Variants in TNNI3K observed in about 807,000 individuals in gnomAD.
The protein encoded by TNNI3K is TNNI3 interacting kinase, also known as serine/threonine-protein kinase TNNI3K.
TNNI3K carries 140 observed loss-of-function variants against 114.5 expected under a neutral mutation model. The ratio of observed to expected loss-of-function variants is 1.22; its 90% CI spans 1.07 to 1.41. TNNI3K has a LOEUF of 1.41. TNNI3K is among the 40% of genes most tolerant of loss of function. The pLI is 0.00. For synonymous variants in TNNI3K, 347 were observed against 347.5 expected (o/e 1.00, Z 0.02); for missense variants, 1,125 against 1,007.6 (o/e 1.12, Z -1.58).
intron 17 of TNNI3K, among the ~76,000 whole-genome samples, chr1:74,427,143 T>C (rs1665677399): frequency 6.6e-6 from 1 of 152,086 alleles, no homozygotes; most frequent in Non-Finnish European, 1.5e-5. Context: ...AAGACTTGTG[T>C]TTGCTCATCA....
At chr1:74,470,718 T>G in intron 21 of TNNI3K, 1 of 400,736 alleles carries the variant, frequency 2.5e-6, no homozygotes, top group African/African-American at 2.0e-5. Flanking sequence ...TTAATGTTTT[T>G]TCTTTATTTT....
chr1:74,474,058 TG>T (rs1668066664), intron 21 of TNNI3K, among the ~76,000 whole-genome samples: 1 of 152,134 alleles, frequency 6.6e-6, no homozygotes, highest in Non-Finnish European at 1.5e-5. Context: ...GCAGAATTTC[TG>T]GTATTTCTTA....
chr1:74,300,736 A>G (rs1658274560), intron 5 of TNNI3K, among the ~76,000 whole-genome samples: 1 of 152,236 alleles, frequency 6.6e-6, no homozygotes, highest in Non-Finnish European at 1.5e-5. Context: ...GAGGCAGTAC[A>G]CTGACTGGTT....
chr1:74,430,865 A>G (rs757285867), intron 17 of TNNI3K, among the ~76,000 whole-genome samples: 13 of 152,138 alleles, frequency 8.5e-5, no homozygotes, highest in Non-Finnish European at 1.6e-4. Flanking sequence ...GAAATAGACA[A>G]TAAGAGTGGA....
At chr1:74,313,563 C>A (rs1557491158) in intron 5 of TNNI3K, among the ~76,000 whole-genome samples, 1 of 152,110 alleles carries the variant, frequency 6.6e-6, no homozygotes, top group Non-Finnish European at 1.5e-5. Context: ...GCAGATTGTC[C>A]AGAGGACAAT....
At chr1:74,324,546 C>A (rs2100392793) in intron 5 of TNNI3K, among the ~76,000 whole-genome samples, 1 of 152,212 alleles carries the variant, frequency 6.6e-6, no homozygotes, top group Non-Finnish European at 1.5e-5. Context: ...AGCATGTGTG[C>A]TTTTTGGTGC....
intron 17 of TNNI3K, among the ~76,000 whole-genome samples, chr1:74,413,760 T>C (rs1664995467): frequency 6.6e-6 from 1 of 152,190 alleles, no homozygotes. Flanking sequence ...TGTTATTTCA[T>C]GTTATTTCTT....
chr1:74,294,550 C>CA (rs975413717), intron 5 of TNNI3K, among the ~76,000 whole-genome samples: 1 of 151,658 alleles, frequency 6.6e-6, no homozygotes, highest in African/African-American at 2.4e-5. Context: ...ACACAAAAAT[C>CA]AAAAAAAGTG....
At chr1:74,510,174 G>C (rs1326684746) in intron 23 of TNNI3K, among the ~76,000 whole-genome samples, 1 of 152,096 alleles carries the variant, frequency 6.6e-6, no homozygotes, top group Non-Finnish European at 1.5e-5. Flanking sequence ...TTTACTTCCT[G>C]AGATCAGTAG....
Position 74,383,772 on chromosome 1 carries a change from T to C in TNNI3K, c.1772+13380T>C, listed in dbSNP as rs182645429. On this transcript the variant is annotated intron_variant, in intron 17 of 24. Transcript: ENST00000326637. The stretch of plus-strand genomic sequence containing the variant: ...AATCAAGAAACATAAGGATAACATA[T>C]ATTAATGTTCTTTATGCCAGGTATT... Among the ~76,000 whole-genome samples the C allele has an allele frequency of 1.8e-3, 277 of 152,244 alleles. 6 individuals are homozygous for C. Among genetic ancestry groups the C allele is most frequent in the Admixed American group, 0.017 (267 of 15,260 alleles).
Position 74,271,715 on chromosome 1 carries a change from C to T in TNNI3K, c.444+7C>T. On this transcript the variant is annotated splice_region_variant and intron_variant, in intron 5 of 24. Coordinates refer to ENST00000326637, the MANE Select transcript of TNNI3K (RefSeq NM_015978.3). ...AATAGCTGGCCACCTAGAGGTAAGT[C>T]ATGCCTTTGGCACCTGTGAAAACAA... is the stretch of plus-strand genomic sequence containing the variant. 6.2e-7 allele frequency: 1 copy of T among 1,601,738 alleles called. No individual in the cohort carries two copies. Among genetic ancestry groups the T allele is most frequent in the Non-Finnish European group, 8.5e-7 (1 of 1,173,078 alleles).
At chr1:74,360,704 G>T (rs1390449539) in intron 11 of TNNI3K, among the ~76,000 whole-genome samples, 1 of 151,984 alleles carries the variant, frequency 6.6e-6, no homozygotes, top group Non-Finnish European at 1.5e-5. Context: ...TGGTCTTCAA[G>T]ACTTAGTTTA....
At chr1:74,414,800 A>G (rs1167462510) in intron 17 of TNNI3K, among the ~76,000 whole-genome samples, 2 of 152,276 alleles carry the variant, frequency 1.3e-5, no homozygotes, top group Admixed American at 1.3e-4. Context: ...TCTTGATCCA[A>G]ATCACTCTTA....
rs1189790115 is a variant in TNNI3K, at chr1:74,399,048, C to G, written c.1772+28656C>G. ...GCGGGCGCCTGTAATCCCAGCTACT[C>G]AGGAGTCTTAGGCAGGAGAATCGCT... On this transcript the variant is annotated intron_variant, in intron 17 of 24. Transcript: ENST00000326637. 2.0e-5 allele frequency among the ~76,000 whole-genome samples: 3 copies of G among 150,740 alleles called. No homozygotes were observed. The East Asian group carries it at 6.0e-4, about 30-fold the overall frequency.
chr1:74,275,100 A>G (rs6665092), intron 5 of TNNI3K, among the ~76,000 whole-genome samples: 20,191 of 152,004 alleles, frequency 0.13, 2,096 homozygotes, highest in African/African-American at 0.29. Flanking sequence ...AACACAAAAT[A>G]GAAGAGTTAA....
At chr1:74,480,224 A>G (rs1276879357) in intron 21 of TNNI3K, 1 of 717,428 alleles carries the variant, frequency 1.4e-6, no homozygotes, top group Non-Finnish European at 2.6e-6. Context: ...CTTTAGAACC[A>G]GAGTGAAGTT....
intron 20 of TNNI3K, among the ~76,000 whole-genome samples, chr1:74,453,491 C>G (rs1667109013): frequency 6.6e-6 from 1 of 152,132 alleles, no homozygotes; most frequent in African/African-American, 2.4e-5. Context: ...AGTGAGACAG[C>G]ATTATCAATT....
At chr1:74,285,391 C>T (rs921225029) in intron 5 of TNNI3K, among the ~76,000 whole-genome samples, 1 of 152,122 alleles carries the variant, frequency 6.6e-6, no homozygotes, top group South Asian at 2.1e-4. Context: ...ATTTGTATGC[C>T]CCGTGTTTCT....
intron 4 of TNNI3K, among the ~76,000 whole-genome samples, chr1:74,262,421 C>CTTAAATGGATTTT (rs1011475011): frequency 6.6e-6 from 1 of 151,938 alleles, no homozygotes; most frequent in Non-Finnish European, 1.5e-5. Context: ...TATTCATTAA[C>CTTAAATGGATTTT]TTAAATGGAT....
Sources: allele counts gnomAD v4.1 joint callset (sites outside exome capture counted in the v4.1 genomes callset), GRCh38; gene constraint gnomAD v4.1.1; transcripts MANE v1.5; gene names NCBI Gene and HGNC (gene_info 2026-07-23, HGNC 2026-07-21).